Variants in RYK observed in about 807,000 individuals in gnomAD.
The protein encoded by RYK is inactive tyrosine-protein kinase RYK.
Under a neutral mutation model 70.2 loss-of-function variants are expected in RYK, and 21 were observed. That is an observed-to-expected ratio of 0.30 (90% CI 0.21 to 0.43). The LOEUF (loss-of-function observed/expected upper bound fraction) is 0.43, where lower values mean the gene tolerates loss of function less well. RYK is among the 20% of genes least tolerant of loss of function. The probability of loss-of-function intolerance (pLI) is 1.00; values close to 1 mark genes in which losing one functional copy is unlikely to be tolerated. For synonymous variants in RYK, 267 were observed against 278.0 expected, an observed-to-expected ratio of 0.96 and a Z score of 0.39; for missense variants, 604 against 753.3, an observed-to-expected ratio of 0.80 and a Z score of 2.32.
chr3:134,245,517 G>A (rs915884189), intron 1 of RYK, among the ~76,000 whole-genome samples: 1 of 152,116 alleles, frequency 6.6e-6, no homozygotes, highest in Non-Finnish European at 1.5e-5. Flanking sequence ...AGAGGCTCAG[G>A]TCTTGAGGCA....
chr3:134,175,029 C>G (rs1187980173), intron 13 of RYK, among the ~76,000 whole-genome samples: 1 of 152,170 alleles, frequency 6.6e-6, no homozygotes, highest in Non-Finnish European at 1.5e-5. Flanking sequence ...CACAGCCTAT[C>G]TCCTAGTGTT....
At chr3:134,207,415 T>C in intron 5 of RYK, 57 bp downstream of exon 5, 1 of 1,090,734 alleles carries the variant, frequency 9.2e-7, no homozygotes, top group South Asian at 1.6e-5. Context: ...CATGTTTATA[T>C]GCAGTCAACC....
chr3:134,226,603 T>A (rs912986662), intron 1 of RYK, among the ~76,000 whole-genome samples: 1 of 152,054 alleles, frequency 6.6e-6, no homozygotes, highest in Admixed American at 6.5e-5. Flanking sequence ...CACAAAATAT[T>A]AGCAAATTCA....
Position 134,175,831 on chromosome 3 carries a change from A to C in RYK, c.1416-63T>G, listed in dbSNP as rs151129000. 876 of 1,577,208 alleles carry C rather than the reference A, an allele frequency of 5.6e-4. 4 individuals carry two copies. The African/African-American group carries it at 9.4e-3, about 17-fold the overall frequency. Reference sequence around the variant, plus strand: ...GTATTAAAAAGTAGGGATCATCACCACCCTTAAATACAACACAAGTCCCAC... The same window carrying C: ...GTATTAAAAAGTAGGGATCATCACCCCCCTTAAATACAACACAAGTCCCAC... On this transcript the variant is annotated intron_variant, in intron 12 of 14. Transcript: ENST00000623711.
chr3:134,162,431 A>G (rs970712267), intron 13 of RYK, among the ~76,000 whole-genome samples: 3 of 148,374 alleles, frequency 2.0e-5, no homozygotes, highest in African/African-American at 5.3e-5. Flanking sequence ...ATTAACATGG[A>G]GCAAAGTCCA....
At chr3:134,224,821 T>C (rs542112545) in intron 1 of RYK, among the ~76,000 whole-genome samples, 3 of 152,336 alleles carry the variant, frequency 2.0e-5, no homozygotes, top group Non-Finnish European at 2.9e-5. Flanking sequence ...AGCTCCTATC[T>C]CTGTATGGCC....
At chr3:134,242,958 T>G (rs1437278007) in intron 1 of RYK, among the ~76,000 whole-genome samples, 1 of 152,152 alleles carries the variant, frequency 6.6e-6, no homozygotes, top group African/African-American at 2.4e-5. Context: ...CCAAAACGCC[T>G]AGGGTTAAGG....
intron 8 of RYK, 98 bp downstream of exon 8, chr3:134,191,751 A>C (rs945584737): frequency 1.1e-6 from 1 of 932,108 alleles, no homozygotes. Context: ...CTTATCTTAG[A>C]CACAAAATGA....
intron 1 of RYK, among the ~76,000 whole-genome samples, chr3:134,229,114 T>C (rs1028773049): frequency 1.1e-4 from 17 of 152,208 alleles, no homozygotes; most frequent in African/African-American, 4.1e-4. Flanking sequence ...CAATCTGAGA[T>C]ATAAACCTAA....
At chr3:134,191,443 G>T (rs1364120096) in intron 8 of RYK, among the ~76,000 whole-genome samples, 2 of 152,160 alleles carry the variant, frequency 1.3e-5, no homozygotes, top group East Asian at 3.9e-4. Context: ...TAAAATGTGG[G>T]ATTGGAACTA....
Position 134,205,732 on chromosome 3 carries a change from C to G in RYK, c.643+1740G>C, listed in dbSNP as rs146874282. On this transcript the variant is annotated intron_variant, in intron 5 of 14. Transcript: ENST00000623711. ...GCTGTCACTGTTCTCAGGAAGCTAT[C>G]CTTGGGTTCCCAAATCCCCTGTGCT... is the stretch of plus-strand genomic sequence containing the variant. 3.0e-3 allele frequency among the ~76,000 whole-genome samples: 453 copies of G among 152,350 alleles called. 1 individual carries two copies. Among genetic ancestry groups the G allele is most frequent in the African/African-American group, 0.01 (420 of 41,582 alleles).
At chr3:134,177,287 T>C (rs1316077821) in intron 11 of RYK, among the ~76,000 whole-genome samples, 2 of 152,146 alleles carry the variant, frequency 1.3e-5, no homozygotes, top group African/African-American at 4.8e-5. Context: ...AAATACTGAA[T>C]GCAGCCTTTG....
chr3:134,185,535 G>A (rs535835658), intron 9 of RYK, among the ~76,000 whole-genome samples: 14 of 152,288 alleles, frequency 9.2e-5, no homozygotes, highest in African/African-American at 2.9e-4. Flanking sequence ...TACTTCTTTG[G>A]AAAAGGTGCT....
chr3:134,239,977 A>C lies in RYK; in HGVS notation c.232+10446T>G, dbSNP rs528375986. 8.5e-5 allele frequency among the ~76,000 whole-genome samples: 13 copies of C among 152,300 alleles called. No individual in the cohort carries two copies. In the East Asian group the frequency reaches 2.5e-3, roughly 29 times the overall value. On this transcript the variant is annotated intron_variant, in intron 1 of 14. Coordinates refer to ENST00000623711, the MANE Select transcript of RYK (RefSeq NM_002958.4). ...TAATGTAGACTCCAGGGTGAGAAGG[A>C]GTCTGGCACCAAGGGAACTGAGTGG...
At chr3:134,218,694 C>G (rs907996625) in intron 2 of RYK, among the ~76,000 whole-genome samples, 2 of 152,076 alleles carry the variant, frequency 1.3e-5, no homozygotes, top group African/African-American at 4.8e-5. Flanking sequence ...AGGCCTCCTA[C>G]GAAATCAAGA....
chr3:134,217,740 AGG>A (rs1184066044), intron 2 of RYK, among the ~76,000 whole-genome samples: 4 of 152,210 alleles, frequency 2.6e-5, no homozygotes, highest in Non-Finnish European at 5.9e-5. Context: ...GACTCAGGCA[AGG>A]GGAACTAAGT....
At chr3:134,238,828 G>A (rs984167869) in intron 1 of RYK, among the ~76,000 whole-genome samples, 6 of 152,178 alleles carry the variant, frequency 3.9e-5, no homozygotes, top group African/African-American at 1.4e-4. Context: ...ATATAAGATG[G>A]AAAATAGACT....
At chr3:134,184,795 T>C (rs1418359274) in intron 9 of RYK, among the ~76,000 whole-genome samples, 1 of 150,708 alleles carries the variant, frequency 6.6e-6, no homozygotes, top group Non-Finnish European at 1.5e-5. Flanking sequence ...AAATAAGAAG[T>C]GGGTTTGAAT....
At chr3:134,175,828 A>C in intron 12 of RYK, 60 bp from the exon 13 acceptor site, 1 of 1,584,694 alleles carries the variant, frequency 6.3e-7, no homozygotes, top group Non-Finnish European at 8.7e-7. Flanking sequence ...AGGGATCATC[A>C]CCACCCTTAA....
Sources: allele counts gnomAD v4.1 joint callset (sites outside exome capture counted in the v4.1 genomes callset), GRCh38; gene constraint gnomAD v4.1.1; transcripts MANE v1.5; gene names NCBI Gene and HGNC (gene_info 2026-07-23, HGNC 2026-07-21).